The following CADM2 variants were observed in gnomAD, a reference collection of about 807,000 sequenced individuals.
CADM2 encodes cell adhesion molecule 2.
Under a neutral mutation model 49.8 loss-of-function variants are expected in CADM2, and 12 were observed. The observed-to-expected ratio is 0.24, with a 90% CI of 0.15 to 0.39. The LOEUF is 0.39. Among genes scored for constraint, CADM2 ranks in the 10% least tolerant of loss-of-function variants. The pLI is 1.00. For missense variants in CADM2, 378 were observed against 492.3 expected, an observed-to-expected ratio of 0.77 and a Z score of 2.20; for synonymous variants, 214 against 175.4, an observed-to-expected ratio of 1.22 and a Z score of -1.74.
At chr3:85,401,049 T>C (rs2035082117) in intron 1 of CADM2, among the ~76,000 whole-genome samples, 1 of 152,186 alleles carries the variant, frequency 6.6e-6, no homozygotes, top group Non-Finnish European at 1.5e-5. Flanking sequence ...TTCGACATGA[T>C]GATTTCCTTT....
chr3:85,534,663 G>A (rs1176070337), intron 1 of CADM2, among the ~76,000 whole-genome samples: 1 of 152,134 alleles, frequency 6.6e-6, no homozygotes, highest in Non-Finnish European at 1.5e-5. Context: ...AAAGACATCT[G>A]CTGGCCCCAT....
intron 8 of CADM2, among the ~76,000 whole-genome samples, chr3:86,034,191 T>C (rs1240287371): frequency 6.6e-6 from 1 of 151,970 alleles, no homozygotes; most frequent in East Asian, 1.9e-4. Context: ...ATTTTACTAC[T>C]TCCTGGTGAA....
At chr3:85,577,076 A>G (rs903961529) in intron 1 of CADM2, among the ~76,000 whole-genome samples, 16 of 152,172 alleles carry the variant, frequency 1.1e-4, no homozygotes, top group African/African-American at 3.6e-4. Flanking sequence ...TATATAGACA[A>G]TGAAATCTAT....
At chr3:85,512,646 A>G (rs2106846510) in intron 1 of CADM2, among the ~76,000 whole-genome samples, 1 of 152,170 alleles carries the variant, frequency 6.6e-6, no homozygotes, top group Admixed American at 6.6e-5. Context: ...GCAAATTTAT[A>G]TTTTTGCAGC....
intron 3 of CADM2, among the ~76,000 whole-genome samples, chr3:85,876,071 C>G (rs1412351923): frequency 6.6e-6 from 1 of 152,034 alleles, no homozygotes; most frequent in Non-Finnish European, 1.5e-5. Flanking sequence ...ACATCAGTGA[C>G]ATGGATTTAA....
intron 1 of CADM2, among the ~76,000 whole-genome samples, chr3:85,153,155 G>A (rs923620143): frequency 6.6e-6 from 1 of 152,092 alleles, no homozygotes; most frequent in Non-Finnish European, 1.5e-5. Flanking sequence ...GGTGATTTCT[G>A]CATTTCCATC....
At chr3:85,200,427 C>A (rs758653392) in intron 1 of CADM2, among the ~76,000 whole-genome samples, 1 of 151,732 alleles carries the variant, frequency 6.6e-6, no homozygotes, top group African/African-American at 2.4e-5. Flanking sequence ...AGTTTGGTGG[C>A]GAGATAAAGT....
At chr3:85,615,498 A>G (rs1048726823) in intron 1 of CADM2, among the ~76,000 whole-genome samples, 2 of 151,986 alleles carry the variant, frequency 1.3e-5, no homozygotes, top group South Asian at 4.1e-4. Context: ...AATCAAATTC[A>G]TTCTAGGTAT....
chr3:85,532,869 C>T (rs1171528953), intron 1 of CADM2, among the ~76,000 whole-genome samples: 3 of 152,094 alleles, frequency 2.0e-5, no homozygotes, highest in Non-Finnish European at 4.4e-5. Flanking sequence ...ATGGATGGAG[C>T]TGGAGGTCAT....
chr3:85,870,334 A>G (rs1375942917), intron 3 of CADM2, among the ~76,000 whole-genome samples: 1 of 151,728 alleles, frequency 6.6e-6, no homozygotes, highest in African/African-American at 2.4e-5. Context: ...GATTTGTTGT[A>G]CTAATTATTT....
At chr3:85,237,635 A>G (rs866034690) in intron 1 of CADM2, among the ~76,000 whole-genome samples, 33 of 151,818 alleles carry the variant, frequency 2.2e-4, no homozygotes, top group African/African-American at 7.9e-4. Flanking sequence ...ACAAAAATTC[A>G]TAGAATAATT....
chr3:85,589,994 G>T (rs2063058650), intron 1 of CADM2, among the ~76,000 whole-genome samples: 1 of 151,920 alleles, frequency 6.6e-6, no homozygotes, highest in Non-Finnish European at 1.5e-5. Flanking sequence ...CAGATATACA[G>T]TATATCTTAA....
intron 3 of CADM2, among the ~76,000 whole-genome samples, chr3:85,847,558 ATAAT>A (rs2074934694): frequency 1.3e-5 from 2 of 152,208 alleles, no homozygotes; most frequent in African/African-American, 2.4e-5. Flanking sequence ...TCTTGGAGAA[ATAAT>A]TACTTAAAAT....
chr3:85,441,113 T>A (rs2037182931), intron 1 of CADM2, among the ~76,000 whole-genome samples: 1 of 152,072 alleles, frequency 6.6e-6, no homozygotes, highest in Admixed American at 6.6e-5. Flanking sequence ...TATTCAAGTA[T>A]TTCATGTATT....
intron 1 of CADM2, among the ~76,000 whole-genome samples, chr3:85,165,433 C>G (rs1285683906): frequency 6.6e-6 from 1 of 151,838 alleles, no homozygotes; most frequent in Non-Finnish European, 1.5e-5. Context: ...TTAAAAATTG[C>G]TCCTAATGTT....
chr3:85,035,287 C>T (rs1174180929), intron 1 of CADM2, among the ~76,000 whole-genome samples: 4 of 151,986 alleles, frequency 2.6e-5, no homozygotes, highest in East Asian at 1.9e-4. Flanking sequence ...TTTCCTACAG[C>T]GTTGTTTGAG....
chr3:85,533,690 G>A (rs1356289785), intron 1 of CADM2, among the ~76,000 whole-genome samples: 1 of 152,132 alleles, frequency 6.6e-6, no homozygotes, highest in African/African-American at 2.4e-5. Context: ...AGCGAATAGG[G>A]CATGAAAGAA....
chr3:85,705,287 C>G lies in CADM2; in HGVS notation c.62-21235C>G, dbSNP rs562018663. Reference sequence around the variant, plus strand: ...TTTGTATGTGATGACTTGGGACTCTCTCCCAAGTGCTTTATGTACATTGAT... The same window carrying G: ...TTTGTATGTGATGACTTGGGACTCTGTCCCAAGTGCTTTATGTACATTGAT... On this transcript the variant is annotated intron_variant, in intron 1 of 9. Transcript: ENST00000383699. 2.3e-3 allele frequency among the ~76,000 whole-genome samples: 339 copies of G among 150,158 alleles called. 1 individual carries two copies. Among genetic ancestry groups the G allele is most frequent in the African/African-American group, 7.9e-3 (325 of 41,034 alleles).
chr3:85,596,914 G>A (rs1312597750), intron 1 of CADM2, among the ~76,000 whole-genome samples: 4 of 151,972 alleles, frequency 2.6e-5, no homozygotes, highest in Non-Finnish European at 4.4e-5. Context: ...ACAGGCTTTC[G>A]CCATGTTGGC....
Sources: gnomAD v4.1 joint callset for allele counts (sites outside exome capture counted in the v4.1 genomes callset) on GRCh38, gnomAD v4.1.1 for gene constraint, MANE v1.5 for transcripts, NCBI Gene and HGNC (gene_info 2026-07-23, HGNC 2026-07-21) for gene names.